Variants in FOSB observed in about 807,000 individuals in gnomAD.
FOSB encodes the protein FosB proto-oncogene, AP-1 transcription factor subunit, also known as protein FosB.
A neutral mutation model predicts 31.1 loss-of-function variants in FOSB; 8 were observed. The observed-to-expected ratio is 0.26, with a 90% CI of 0.15 to 0.46. The LOEUF (loss-of-function observed/expected upper bound fraction) is 0.46. Ranked by LOEUF, FOSB falls within the 20% of genes least tolerant of loss-of-function variation. FOSB has a pLI of 0.99. For synonymous variants in FOSB, 214 were observed against 206.1 expected (o/e 1.04, Z -0.33); for missense variants, 376 against 460.6 (o/e 0.82, Z 1.68).
Position 45,468,373 on chromosome 19 carries a change from C to G in FOSB, c.-214C>G, listed in dbSNP as rs1967492869. On this transcript the variant is annotated 5_prime_UTR_variant, in exon 1 of 4. Coordinates refer to ENST00000353609, the MANE Select transcript of FOSB (RefSeq NM_006732.3). This position sits in a 1 kb window ranked among gnomAD's most constrained non-coding sequence, Gnocchi z 4.8. ...CGGCATCCTGTGGGGGCCTGGGCAC[C>G]GCAGGAAGACTGCACAGAAACTTTG... The G allele has an allele frequency of 3.6e-6, 2 of 559,644 alleles. No homozygotes were observed. Among genetic ancestry groups the G allele is most frequent in the Non-Finnish European group, 6.3e-6 (2 of 316,962 alleles). The allele number at this position is 559,644 out of a possible 1,614,324, so 34.7% of individuals were successfully genotyped here. A position where few individuals can be genotyped will look rare whatever the true frequency, so the allele number is the denominator to read the frequency against.
Position 45,472,591 on chromosome 19 carries a change from C to G in FOSB, c.596C>G (p.Ser199Trp). The G allele has an allele frequency of 6.5e-7, 1 of 1,529,194 alleles. No individual in the cohort carries two copies. The highest frequency in any genetic ancestry group is 2.3e-5 in the East Asian group (1 of 43,988). 94.7% of individuals were successfully genotyped at this position (1,529,194 alleles called of 1,614,324 possible). A position where few individuals can be genotyped will look rare whatever the true frequency, so the allele number is the denominator to read the frequency against. ...GAGGAAGAAAAAGCAGAGCTGGAGT[C>G]GGAGATCGCCGAGCTCCAAAAGGAG... ...QLEEEKAELESEIAELQKEKE... is the reference protein window; with the variant it reads ...QLEEEKAELEWEIAELQKEKE... The change falls in exon 4 of 4, where the codon TCG becomes TGG. Residue 199 changes from serine (S) to tryptophan (W), a missense_variant. By Grantham distance (177) the Ser-to-Trp change is radical. Transcript: ENST00000353609. The surrounding 1 kb of genome is among the most constrained non-coding windows in gnomAD (Gnocchi z 5.4).
Position 45,473,079 on chromosome 19 carries a change from GAGA to G in FOSB, c.*70_*72del, listed in dbSNP as rs1366643895. On this transcript the variant is annotated 3_prime_UTR_variant, in exon 4 of 4. Coordinates refer to ENST00000353609, the MANE Select transcript of FOSB (RefSeq NM_006732.3). ...AGACTTGGAAGAGGAGGAGGAGGAGGAGAAGGAGGAGAGAGAGGGGAAGAGACA... is the reference window on the plus strand; with the variant it reads ...AGACTTGGAAGAGGAGGAGGAGGAGGAGGAGGAGAGAGAGGGGAAGAGACA... 3 of 1,407,488 alleles carry G rather than the reference GAGA, an allele frequency of 2.1e-6. No individual in the cohort carries two copies. Among genetic ancestry groups the G allele is most frequent in the Non-Finnish European group, 2.9e-6 (3 of 1,021,880 alleles). The allele number at this position is 1,407,488 out of a possible 1,614,324, so 87.2% of individuals were successfully genotyped here. A position where few individuals can be genotyped will look rare whatever the true frequency, so the allele number is the denominator to read the frequency against.
chr19:45,472,747 G>T lies in FOSB; in HGVS notation c.752G>T (p.Gly251Val). Residue 251 changes from glycine (G) to valine (V), a missense_variant, in exon 4 of 4, where the codon GGC becomes GTC. Coordinates refer to ENST00000353609, the MANE Select transcript of FOSB (RefSeq NM_006732.3). The surrounding 1 kb of genome is among the most constrained non-coding windows in gnomAD (Gnocchi z 5.4). Reference sequence around the variant, plus strand: ...GGCTCAGCACCGGCTAAGGAAGATGGCTTCAGCTGGCTGCTGCCGCCCCCG... The same window carrying T: ...GGCTCAGCACCGGCTAAGGAAGATGTCTTCAGCTGGCTGCTGCCGCCCCCG... ...LPGSAPAKED[G>V]FSWLLPPPPP... 6.2e-7 allele frequency: 1 copy of T among 1,613,858 alleles called. No individual in the cohort carries two copies. The highest frequency in any genetic ancestry group is 1.3e-5 in the African/African-American group (1 of 75,052).
At position 45,472,607 on chromosome 19, in the gene FOSB, C is replaced by T. The variant is rs374007605; in HGVS notation, c.612C>T (p.Leu204=). ...AGCTGGAGTCGGAGATCGCCGAGCTCCAAAAGGAGAAGGAACGTCTGGAGT... is the reference window on the plus strand; with the variant it reads ...AGCTGGAGTCGGAGATCGCCGAGCTTCAAAAGGAGAAGGAACGTCTGGAGT... ...KAELESEIAE[L]QKEKERLEFV... The change falls in exon 4 of 4, where the codon CTC becomes CTT. Residue 204 remains leucine, a synonymous_variant. Coordinates refer to ENST00000353609, the MANE Select transcript of FOSB (RefSeq NM_006732.3). The surrounding 1 kb of genome is among the most constrained non-coding windows in gnomAD (Gnocchi z 5.4). 1.6e-5 allele frequency: 24 copies of T among 1,542,862 alleles called. No individual in the cohort carries two copies. The highest frequency in any genetic ancestry group is 3.7e-4 in the Middle Eastern group (2 of 5,432).
rs905390627 is a variant in FOSB, at chr19:45,470,948, C to T, written c.446C>T (p.Thr149Met). The change falls in exon 2 of 4, where the codon ACG becomes ATG. Residue 149 changes from threonine to methionine, a missense_variant and splice_region_variant. Physicochemically the swap from Thr to Met is moderately conservative, Grantham distance 81. Around this residue, in one of 3 missense-constraint regions of FOSB, gnomAD observed 193 missense variants for 207.1 expected, o/e 0.93. Transcript: ENST00000353609. Reference protein sequence around the residue: ...RARPRRPREETLTPEEEEKRR... With the variant: ...RARPRRPREEMLTPEEEEKRR... ...CGGCCTAGGAGACCCCGAGAGGAGA[C>T]GGTGAGTAAGGGACATCAGAACTTG... The T allele has an allele frequency of 3.1e-6, 5 of 1,610,194 alleles. No individual in the cohort carries two copies. The highest frequency in any genetic ancestry group is 2.2e-5 in the South Asian group (2 of 91,068).
chr19:45,469,605 T>A (rs1021263524), intron 1 of FOSB, among the ~76,000 whole-genome samples: 8 of 152,126 alleles, frequency 5.3e-5, no homozygotes, highest in African/African-American at 1.9e-4. Context: ...GGGGATCTAG[T>A]CCCTGGGCTC....
chr19:45,469,479 A>G (rs1967551645), intron 1 of FOSB, among the ~76,000 whole-genome samples: 1 of 152,068 alleles, frequency 6.6e-6, no homozygotes, highest in African/African-American at 2.4e-5. Flanking sequence ...TGTCCCCGGA[A>G]CCCGTGGTTC....
rs576246538 is a variant in FOSB at position 45,472,733 on chromosome 19, G to T, written c.738G>T (p.Pro246=). ...AEVRDLPGSA[P]AKEDGFSWLL... ...TGAGAGATTTGCCGGGCTCAGCACC[G>T]GCTAAGGAAGATGGCTTCAGCTGGC... The change falls in exon 4 of 4, where the codon CCG becomes CCT. Residue 246 remains proline (P), a synonymous_variant. Coordinates refer to ENST00000353609, the MANE Select transcript of FOSB (RefSeq NM_006732.3). The surrounding 1 kb of genome is among the most constrained non-coding windows in gnomAD (Gnocchi z 5.4). 6 of 1,613,654 alleles carry T rather than the reference G, an allele frequency of 3.7e-6. No individual in the cohort carries two copies. The highest frequency in any genetic ancestry group is 1.3e-5 in the African/African-American group (1 of 75,038).
Position 45,470,909 on chromosome 19 carries a change from G to C in FOSB, c.407G>C (p.Arg136Pro), listed in dbSNP as rs750349108. ...ACTACCAGTGGGCCTGGGCCTGCCC[G>C]CCCAGCCCGAGCCCGGCCTAGGAGA... ...SGTTSGPGPA[R>P]PARARPRRPR... is the part of the protein sequence containing the mutation. The change falls in exon 2 of 4, where the codon CGC becomes CCC. Residue 136 changes from arginine (R) to proline (P), a missense_variant. This residue lies in a region of FOSB where 193 missense variants were observed against 207.1 expected (regional missense o/e 0.93). Coordinates refer to ENST00000353609, the MANE Select transcript of FOSB (RefSeq NM_006732.3). The C allele has an allele frequency of 5.6e-6, 9 of 1,613,330 alleles. No individual in the cohort carries two copies. The East Asian group carries it at 2.0e-4, about 36-fold the overall frequency.
intron 1 of FOSB, among the ~76,000 whole-genome samples, chr19:45,469,332 C>T (rs1363451869): frequency 6.6e-6 from 1 of 152,224 alleles, no homozygotes; most frequent in Admixed American, 6.5e-5. Flanking sequence ...GTCCCGGGAG[C>T]GTTCTATTTT....
chr19:45,472,208 G>C lies in FOSB; in HGVS notation c.556-343G>C, dbSNP rs1319438484. Reference sequence around the variant, plus strand: ...TGATTGCACTATTGCACTCCAGCCTGGGGGACAGAGCGAGACTCTGGCTCA... The same window carrying C: ...TGATTGCACTATTGCACTCCAGCCTCGGGGACAGAGCGAGACTCTGGCTCA... On this transcript the variant is annotated intron_variant, in intron 3 of 3. Coordinates refer to ENST00000353609, the MANE Select transcript of FOSB (RefSeq NM_006732.3). This position sits in a 1 kb window ranked among gnomAD's most constrained non-coding sequence, Gnocchi z 5.4. 5.2e-6 allele frequency: 1 copy of C among 192,318 alleles called. No individual in the cohort carries two copies. The highest frequency in any genetic ancestry group is 1.1e-5 in the Non-Finnish European group (1 of 95,110). The allele number at this position is 192,318 out of a possible 1,614,324, so 11.9% of individuals were successfully genotyped here.
At chr19:45,471,585 C>T (rs1967676333) in intron 3 of FOSB, 1 of 310,852 alleles carries the variant, frequency 3.2e-6, no homozygotes, top group East Asian at 5.2e-5. Flanking sequence ...GAGAGGGGCG[C>T]CCCCATCATT....
At chr19:45,469,471 T>A (rs890286515) in intron 1 of FOSB, among the ~76,000 whole-genome samples, 4 of 152,136 alleles carry the variant, frequency 2.6e-5, no homozygotes, top group African/African-American at 9.7e-5. Flanking sequence ...CCCCTCTCTG[T>A]CCCCGGAACC....
At chr19:45,470,340 A>G in intron 1 of FOSB, 1 of 448,606 alleles carries the variant, frequency 2.2e-6, no homozygotes, top group Admixed American at 3.8e-5. Flanking sequence ...CCCATACCTA[A>G]GAGTCACCAA....
At position 45,473,000 on chromosome 19, in the gene FOSB, C is replaced by A. The variant is rs758443162; in HGVS notation, c.1005C>A (p.Leu335=). 1 of 1,608,932 alleles carries A rather than the reference C, an allele frequency of 6.2e-7. No homozygotes were observed. Among genetic ancestry groups the A allele is most frequent in the East Asian group, 2.2e-5 (1 of 44,882 alleles). The stretch of plus-strand genomic sequence containing the variant: ...CCGATCCCCTGAACTCGCCCTCCCT[C>A]CTCGCTCTGTGAACTCTTTAGACAC... ...QPSDPLNSPS[L]LAL The change falls in exon 4 of 4, where the codon CTC becomes CTA. Residue 335 remains leucine (L), a synonymous_variant. Transcript: ENST00000353609. The surrounding 1 kb of genome is among the most constrained non-coding windows in gnomAD (Gnocchi z 5.4).
rs1473261954 is a variant in FOSB at position 45,468,568 on chromosome 19, C to A, written c.-19C>A. The A allele has an allele frequency of 1.1e-5, 18 of 1,592,690 alleles. No homozygotes were observed. In the South Asian group the frequency reaches 2.0e-4, roughly 18 times the overall value. ...GGCGACCTCAGCGTGGTCACAGGGG[C>A]CCCCCTGTGCCCAGGGAAATGTTTC... On this transcript the variant is annotated 5_prime_UTR_variant, in exon 1 of 4. Transcript: ENST00000353609. This position sits in a 1 kb window ranked among gnomAD's most constrained non-coding sequence, Gnocchi z 4.8.
Position 45,471,587 on chromosome 19 carries a change from C to T in FOSB, c.555+286C>T, listed in dbSNP as rs566758017. 1.0e-4 allele frequency: 31 copies of T among 310,104 alleles called. No individual in the cohort carries two copies. The Middle Eastern group carries it at 3.0e-3, about 30-fold the overall frequency. 19.2% of individuals were successfully genotyped at this position (310,104 alleles called of 1,614,324 possible). A position where few individuals can be genotyped will look rare whatever the true frequency, so the allele number is the denominator to read the frequency against. On this transcript the variant is annotated intron_variant, in intron 3 of 3. Transcript: ENST00000353609. ...TGGGGCCCTTGAGGAGAGGGGCGCC[C>T]CCATCATTTCTCCCATCTGGTCTTC... is the stretch of plus-strand genomic sequence containing the variant.
Position 45,473,039 on chromosome 19 carries a change from A to C in FOSB, c.*27A>C. On this transcript the variant is annotated 3_prime_UTR_variant, in exon 4 of 4. Coordinates refer to ENST00000353609, the MANE Select transcript of FOSB (RefSeq NM_006732.3). ...CTCTTTAGACACACAAAACAAACAAACACATGGGGGAGAGAGACTTGGAAG... is the reference window on the plus strand; with the variant it reads ...CTCTTTAGACACACAAAACAAACAACCACATGGGGGAGAGAGACTTGGAAG... 5 of 1,566,724 alleles carry C rather than the reference A, an allele frequency of 3.2e-6. No homozygotes were observed. The highest frequency in any genetic ancestry group is 4.4e-6 in the Non-Finnish European group (5 of 1,149,128).
In FOSB at chr19:45,470,543, C is replaced by T; in HGVS notation, c.127-86C>T. On this transcript the variant is annotated intron_variant, in intron 1 of 3. Coordinates refer to ENST00000353609, the MANE Select transcript of FOSB (RefSeq NM_006732.3). ...CTCACCCTGTGCTCACTCACGGGGT[C>T]GGTGTGTGTTATGTGTGTTGGGTGT... 2.2e-6 allele frequency: 3 copies of T among 1,339,642 alleles called. No homozygotes were observed. In the South Asian group the frequency reaches 4.0e-5, roughly 18 times the overall value. 83.0% of individuals were successfully genotyped at this position (1,339,642 alleles called of 1,614,324 possible).
Sources: allele counts gnomAD v4.1 joint callset (sites outside exome capture counted in the v4.1 genomes callset), GRCh38; gene constraint gnomAD v4.1.1; regional missense constraint gnomAD v4.1.1; non-coding constraint Gnocchi (gnomAD v3.1); transcripts MANE v1.5; gene names NCBI Gene and HGNC (gene_info 2026-07-23, HGNC 2026-07-21).